Variants in PPP1R36 observed in about 807,000 individuals in gnomAD.
PPP1R36 encodes the protein chromosome 14 open reading frame 50.
In PPP1R36, 47 loss-of-function variants were observed where a neutral mutation model predicts 53.4. The ratio of observed to expected loss-of-function variants is 0.88; its 90% CI spans 0.70 to 1.12. PPP1R36 has a LOEUF of 1.12. Ranked by LOEUF, PPP1R36 falls within the 50% of genes most tolerant of loss-of-function variation. The probability of loss-of-function intolerance (pLI) is 0.00; values close to 1 mark genes in which losing one functional copy is unlikely to be tolerated. For synonymous variants in PPP1R36, 153 were observed against 170.5 expected (o/e 0.90, Z 0.80); for missense variants, 456 against 513.9 (o/e 0.89, Z 1.09).
At chr14:64,585,100 G>C (rs536068621) in intron 8 of PPP1R36, among the ~76,000 whole-genome samples, 15 of 152,308 alleles carry the variant, frequency 9.8e-5, no homozygotes, top group African/African-American at 3.4e-4. Context: ...CTGTGAGAAG[G>C]CCGAAGGTCC....
rs900067289 is a variant in PPP1R36 at position 64,574,661 on chromosome 14, G to T, written c.668+72G>T. On this transcript the variant is annotated intron_variant, in intron 8 of 11. Transcript: ENST00000298705. ...TCACATCCTTAAGATGCTTCCGTTT[G>T]ACTTTTGTTACCTTGAGAAAATGTT... 4 of 1,487,648 alleles carry T rather than the reference G, an allele frequency of 2.7e-6. No individual in the cohort carries two copies. In the African/African-American group the frequency reaches 4.2e-5, roughly 16 times the overall value. The allele number at this position is 1,487,648 out of a possible 1,614,324, so 92.2% of individuals were successfully genotyped here.
intron 8 of PPP1R36, among the ~76,000 whole-genome samples, chr14:64,582,931 A>G (rs2080400257): frequency 6.6e-6 from 1 of 150,410 alleles, no homozygotes; most frequent in African/African-American, 2.4e-5. Context: ...TCACTTTGCC[A>G]CCCAGGCTAG....
At chr14:64,553,375 C>T (rs531254676) in intron 3 of PPP1R36, among the ~76,000 whole-genome samples, 6 of 152,230 alleles carry the variant, frequency 3.9e-5, no homozygotes, top group East Asian at 3.9e-4. Flanking sequence ...CTTTCATATT[C>T]GTGAAATATT....
chr14:64,577,871 G>A (rs1217757698), intron 8 of PPP1R36, among the ~76,000 whole-genome samples: 1 of 151,160 alleles, frequency 6.6e-6, no homozygotes, highest in Non-Finnish European at 1.5e-5. Flanking sequence ...GACTACAGGC[G>A]CCCGCCACCA....
intron 6 of PPP1R36, among the ~76,000 whole-genome samples, chr14:64,567,464 T>G (rs1341972554): frequency 6.6e-6 from 1 of 152,174 alleles, no homozygotes; most frequent in Non-Finnish European, 1.5e-5. Flanking sequence ...ACATATAATA[T>G]CATAGAAAGA....
At chr14:64,581,408 G>A (rs1450235720) in intron 8 of PPP1R36, among the ~76,000 whole-genome samples, 2 of 152,140 alleles carry the variant, frequency 1.3e-5, no homozygotes, top group Non-Finnish European at 2.9e-5. Flanking sequence ...GACCCATTTG[G>A]TGGGGGTCTG....
In PPP1R36 at chr14:64,557,851, A is replaced by T. The variant is rs2080169302; in HGVS notation, c.182+4990A>T. Among the ~76,000 whole-genome samples the T allele has an allele frequency of 2.0e-5, 3 of 152,342 alleles. No individual in the cohort carries two copies. In the South Asian group the frequency reaches 6.2e-4, roughly 32 times the overall value. On this transcript the variant is annotated intron_variant, in intron 3 of 11. Coordinates refer to ENST00000298705, the MANE Select transcript of PPP1R36 (RefSeq NM_172365.3). ...TGGTAAAACCCCGTCTCTACTAAAA[A>T]TATAAAAAATAGCCAGGTGCAGTGG... is the stretch of plus-strand genomic sequence containing the variant.
chr14:64,576,478 G>C (rs991059848), intron 8 of PPP1R36, among the ~76,000 whole-genome samples: 5 of 152,116 alleles, frequency 3.3e-5, no homozygotes, highest in African/African-American at 1.2e-4. Flanking sequence ...TATTCATAAG[G>C]ATCGTATATT....
intron 3 of PPP1R36, among the ~76,000 whole-genome samples, chr14:64,556,762 A>ATGTGTG (rs369620598): frequency 0.074 from 9,932 of 133,926 alleles, 422 homozygotes; most frequent in South Asian, 0.087. Context: ...TCTCCAAAAA[A>ATGTGTG]TGTGTGTGTG....
chr14:64,585,676 G>A (rs986343461), intron 8 of PPP1R36, among the ~76,000 whole-genome samples: 2 of 152,166 alleles, frequency 1.3e-5, no homozygotes, highest in African/African-American at 4.8e-5. Flanking sequence ...CTTGAGCCCA[G>A]AAGGTCAAGG....
chr14:64,588,145 A>G lies in PPP1R36; in HGVS notation c.932A>G (p.Asn311Ser). The change falls in exon 11 of 12, where the codon AAC (asparagine) becomes AGC (serine). Residue 311 changes from asparagine to serine, a missense_variant. Transcript: ENST00000298705. ...AKRPAIKKAI[N>S]MRSPVMSTLL... The stretch of plus-strand genomic sequence containing the variant: ...CGCCCAGCAATTAAAAAAGCTATCA[A>G]CATGCGTTCTCCAGTCATGTCTACT... 2 of 1,611,244 alleles carry G rather than the reference A, an allele frequency of 1.2e-6. No individual in the cohort carries two copies. The highest frequency in any genetic ancestry group is 1.7e-6 in the Non-Finnish European group (2 of 1,178,400).
intron 11 of PPP1R36, 89 bp from the exon 12 acceptor site, chr14:64,589,063 T>A: frequency 1.1e-6 from 1 of 927,290 alleles, no homozygotes; most frequent in Non-Finnish European, 1.7e-6. Flanking sequence ...CACACACACA[T>A]ACATACACAC....
chr14:64,550,665 C>A (rs2140210845), intron 1 of PPP1R36, among the ~76,000 whole-genome samples: 1 of 152,280 alleles, frequency 6.6e-6, no homozygotes, highest in Middle Eastern at 3.4e-3. Flanking sequence ...CCTCTCCCTC[C>A]TTCCTGCCGT....
intron 8 of PPP1R36, among the ~76,000 whole-genome samples, chr14:64,583,075 A>ATATAT (rs773808112): frequency 6.0e-5 from 8 of 133,132 alleles, no homozygotes; most frequent in East Asian, 4.3e-4. Context: ...ATATATATAT[A>ATATAT]TTTTTTTTTT....
intron 7 of PPP1R36, among the ~76,000 whole-genome samples, chr14:64,569,892 C>T (rs564174519): frequency 6.6e-6 from 1 of 152,014 alleles, no homozygotes; most frequent in Non-Finnish European, 1.5e-5. Flanking sequence ...GAGCCCACAA[C>T]CACGCCCAGC....
In PPP1R36 at chr14:64,577,892, A is replaced by C. The variant is rs1358968061; in HGVS notation, c.668+3303A>C. On this transcript the variant is annotated intron_variant, in intron 8 of 11. Coordinates refer to ENST00000298705, the MANE Select transcript of PPP1R36 (RefSeq NM_172365.3). ...AGGCGCCCGCCACCACGCCCGGCTA[A>C]TTTTTTGTATTTTTAGTAGAGACAG... Among the ~76,000 whole-genome samples the C allele has an allele frequency of 2.0e-5, 3 of 151,162 alleles. No homozygotes were observed. In the East Asian group the frequency reaches 5.9e-4, roughly 30 times the overall value.
intron 3 of PPP1R36, among the ~76,000 whole-genome samples, chr14:64,561,118 C>T (rs186285200): frequency 6.6e-6 from 1 of 152,250 alleles, no homozygotes; most frequent in East Asian, 1.9e-4. Context: ...CAAGTTTTAT[C>T]CCATCAACTT....
At chr14:64,570,430 C>T (rs570905739) in intron 7 of PPP1R36, among the ~76,000 whole-genome samples, 53 of 151,890 alleles carry the variant, frequency 3.5e-4, no homozygotes, top group Admixed American at 2.4e-3. Flanking sequence ...TGCAGTGAGC[C>T]GAGATGGCAC....
At chr14:64,560,103 C>CAAAAAAAAAA (rs1171697200) in intron 3 of PPP1R36, among the ~76,000 whole-genome samples, 4 of 27,476 alleles carry the variant, frequency 1.5e-4, no homozygotes, top group Non-Finnish European at 2.9e-4. Context: ...GAATCTGTCA[C>CAAAAAAAAAA]AAAAAAAAAA....
Sources: gnomAD v4.1 joint callset for allele counts (sites outside exome capture counted in the v4.1 genomes callset) on GRCh38, gnomAD v4.1.1 for gene constraint, MANE v1.5 for transcripts, NCBI Gene and HGNC (gene_info 2026-07-23, HGNC 2026-07-21) for gene names.